PLD1: variants seen among roughly 807,000 people sequenced by gnomAD.
PLD1 encodes phospholipase D1.
Under a neutral mutation model 137.1 loss-of-function variants are expected in PLD1, and 112 were observed. The observed-to-expected ratio is 0.82, with a 90% CI of 0.70 to 0.96. The LOEUF (loss-of-function observed/expected upper bound fraction) is 0.96. PLD1 is among the 40% of genes least tolerant of loss of function. The pLI, the probability that PLD1 is intolerant of heterozygous loss-of-function variation, is 0.00. For synonymous variants in PLD1, 431 were observed against 454.7 expected (o/e 0.95, Z 0.66); for missense variants, 1,321 against 1,342.0 (o/e 0.98, Z 0.24).
intron 24 of PLD1, among the ~76,000 whole-genome samples, chr3:171,618,642 A>C (rs1178094048): frequency 6.6e-6 from 1 of 152,128 alleles, no homozygotes; most frequent in Admixed American, 6.6e-5. Context: ...TAAACTCCTA[A>C]AGAGCTTTTA....
chr3:171,726,150 G>C (rs1300814943), intron 6 of PLD1, 74 bp from the exon 7 acceptor site: 1 of 927,952 alleles, frequency 1.1e-6, no homozygotes, highest in Admixed American at 1.8e-5. Context: ...CATGTATTAG[G>C]TATAGCTGTG....
At chr3:171,701,915 C>T (rs529354410) in intron 11 of PLD1, among the ~76,000 whole-genome samples, 66 of 152,202 alleles carry the variant, frequency 4.3e-4, no homozygotes, top group African/African-American at 1.5e-3. Flanking sequence ...TTAAGACGTA[C>T]CTCTAAGTAA....
rs1491418123 is a variant in PLD1, at chr3:171,764,896, G to GAAAGA, written c.-31-26815_-31-26814insTCTTT. ...GAAAGAAAGAAAGAAAGAAAGAAAG[G>GAAAGA]AAGGAAGGAAGGAAGGAAAGAAAGA... is the stretch of plus-strand genomic sequence containing the variant. On this transcript the variant is annotated intron_variant, in intron 1 of 26. Coordinates refer to ENST00000351298, the MANE Select transcript of PLD1 (RefSeq NM_002662.5). 5.7e-4 allele frequency among the ~76,000 whole-genome samples: 18 copies of GAAAGA among 31,406 alleles called. 1 individual carries two copies. The highest frequency in any genetic ancestry group is 1.1e-3 in the African/African-American group (8 of 7,484). The allele number at this position is 31,406 out of a possible 152,430, so 20.6% of individuals were successfully genotyped here. A position where few individuals can be genotyped will look rare whatever the true frequency, so the allele number is the denominator to read the frequency against.
chr3:171,669,359 T>TC lies in PLD1; in HGVS notation c.2229+5140_2229+5141insG, dbSNP rs566140766. The stretch of plus-strand genomic sequence containing the variant: ...ATAAAAATTTCTATCTAGAACAAGC[T>TC]TGGTGACCTACCCAGAGAAATGTTA... On this transcript the variant is annotated intron_variant, in intron 19 of 26. Coordinates refer to ENST00000351298, the MANE Select transcript of PLD1 (RefSeq NM_002662.5). 4.7e-3 allele frequency among the ~76,000 whole-genome samples: 711 copies of TC among 152,350 alleles called. 3 individuals are homozygous for TC. The highest frequency in any genetic ancestry group is 0.017 in the African/African-American group (687 of 41,580).
chr3:171,729,337 C>A (rs528950369), intron 6 of PLD1, among the ~76,000 whole-genome samples: 89 of 152,210 alleles, frequency 5.8e-4, no homozygotes, highest in Middle Eastern at 3.4e-3. Flanking sequence ...ACATGATCTA[C>A]CAATTGGATA....
chr3:171,704,457 G>GAAAAAAAAAAAAAAAAAAAA (rs1362665761), intron 11 of PLD1, among the ~76,000 whole-genome samples: 2 of 98,178 alleles, frequency 2.0e-5, no homozygotes, highest in African/African-American at 9.2e-5. Flanking sequence ...CAAAGAACCA[G>GAAAAAAAAAAAAAAAAAAAA]GAAAAAAAAA....
At chr3:171,698,515 A>T (rs1368058091) in intron 12 of PLD1, among the ~76,000 whole-genome samples, 1 of 152,246 alleles carries the variant, frequency 6.6e-6, no homozygotes, top group Non-Finnish European at 1.5e-5. Flanking sequence ...GAAAAGATAC[A>T]GAAAGAAAAG....
Position 171,612,704 on chromosome 3 carries a change from C to G in PLD1, c.2729-272G>C, listed in dbSNP as rs769215219. Among the ~76,000 whole-genome samples, 73 of 152,104 alleles carry G rather than the reference C, an allele frequency of 4.8e-4. No individual in the cohort carries two copies. Among genetic ancestry groups the G allele is most frequent in the Admixed American group, 2.7e-3 (41 of 15,268 alleles). Reference sequence around the variant, plus strand: ...CTAGCCAATGTGACATGAAGGAAAGCTTCTGAGAAAGAGTTTCCCCTTTGT... The same window carrying G: ...CTAGCCAATGTGACATGAAGGAAAGGTTCTGAGAAAGAGTTTCCCCTTTGT... On this transcript the variant is annotated intron_variant, in intron 24 of 26. Coordinates refer to ENST00000351298, the MANE Select transcript of PLD1 (RefSeq NM_002662.5). The surrounding 1 kb of genome is among the most constrained non-coding windows in gnomAD (Gnocchi z 4.1).
intron 1 of PLD1, chr3:171,771,491 A>G (rs1325835259): frequency 1.3e-5 from 2 of 152,234 alleles, no homozygotes; most frequent in African/African-American, 2.4e-5. Context: ...TAAAACCCAC[A>G]TACAGAATGA....
chr3:171,769,522 T>A (rs1722198768), intron 1 of PLD1, among the ~76,000 whole-genome samples: 1 of 152,214 alleles, frequency 6.6e-6, no homozygotes, highest in Non-Finnish European at 1.5e-5. Flanking sequence ...GTCATAGCAA[T>A]CTTTGCACTT....
At chr3:171,689,973 A>T (rs1028889929) in intron 13 of PLD1, among the ~76,000 whole-genome samples, 2 of 152,170 alleles carry the variant, frequency 1.3e-5, no homozygotes, top group Non-Finnish European at 2.9e-5. Flanking sequence ...ATTGGTGGTA[A>T]TTCCTCATTA....
intron 1 of PLD1, among the ~76,000 whole-genome samples, chr3:171,755,480 T>C (rs1246277882): frequency 6.6e-6 from 1 of 152,128 alleles, no homozygotes; most frequent in Non-Finnish European, 1.5e-5. Flanking sequence ...ACTCCTCTAG[T>C]TTTCCTCCTC....
intron 23 of PLD1, among the ~76,000 whole-genome samples, chr3:171,625,603 C>T (rs563325171): frequency 3.1e-4 from 47 of 152,194 alleles, no homozygotes; most frequent in Admixed American, 3.3e-4. Flanking sequence ...GGCACCCCCC[C>T]GTAGGTGCAG....
At position 171,648,178 on chromosome 3, in the gene PLD1, A is replaced by G. The variant is rs117192139; in HGVS notation, c.2430-3155T>C. Among the ~76,000 whole-genome samples the G allele has an allele frequency of 3.3e-5, 5 of 152,300 alleles. No individual in the cohort carries two copies. In the East Asian group the frequency reaches 9.6e-4, roughly 29 times the overall value. On this transcript the variant is annotated intron_variant, in intron 21 of 26. Transcript: ENST00000351298. ...TACTGCTATAATACTAGCATACAGTATCTGTGAGTCCCTGTTTTCAGTTCT... is the reference window on the plus strand; with the variant it reads ...TACTGCTATAATACTAGCATACAGTGTCTGTGAGTCCCTGTTTTCAGTTCT...
At chr3:171,748,373 A>C (rs1233313086) in intron 1 of PLD1, among the ~76,000 whole-genome samples, 2 of 152,180 alleles carry the variant, frequency 1.3e-5, no homozygotes, top group African/African-American at 4.8e-5. Context: ...ACATCCTTGG[A>C]TGTTAAATGA....
At chr3:171,788,709 T>C (rs1456509601) in intron 1 of PLD1, 3 of 152,196 alleles carry the variant, frequency 2.0e-5, no homozygotes, top group Admixed American at 6.5e-5. Context: ...CAAAAGAGCT[T>C]TGACACATCT....
chr3:171,606,835 TTCA>T (rs1732244745), intron 25 of PLD1, among the ~76,000 whole-genome samples: 1 of 152,222 alleles, frequency 6.6e-6, no homozygotes, highest in Non-Finnish European at 1.5e-5. Flanking sequence ...ACACAGTTTA[TTCA>T]TCATATGTGA....
chr3:171,763,600 G>T (rs2108312441), intron 1 of PLD1, among the ~76,000 whole-genome samples: 1 of 151,292 alleles, frequency 6.6e-6, no homozygotes, highest in South Asian at 2.1e-4. Flanking sequence ...AAGAGAACCT[G>T]CTGTATACAT....
At chr3:171,678,935 C>T (rs926618799) in intron 16 of PLD1, among the ~76,000 whole-genome samples, 1 of 152,204 alleles carries the variant, frequency 6.6e-6, no homozygotes, top group Non-Finnish European at 1.5e-5. Flanking sequence ...TCCTTTCTCC[C>T]TCTTGGCCTG....
Sources: gnomAD v4.1 joint callset for allele counts (sites outside exome capture counted in the v4.1 genomes callset) on GRCh38, gnomAD v4.1.1 for gene constraint, Gnocchi (gnomAD v3.1) non-coding constraint, MANE v1.5 for transcripts, NCBI Gene and HGNC (gene_info 2026-07-23, HGNC 2026-07-21) for gene names.